CSMD1: variants seen among roughly 807,000 people sequenced by gnomAD.
The protein encoded by CSMD1 is CUB and Sushi multiple domains 1.
A neutral mutation model predicts 417.5 loss-of-function variants in CSMD1; 213 were observed. The observed-to-expected ratio is 0.51, with a 90% CI of 0.46 to 0.57. CSMD1 has a LOEUF of 0.57. CSMD1 is among the 20% of genes least tolerant of loss of function. CSMD1 has a pLI of 0.00. For missense variants in CSMD1, 6,923 were observed against 4,529.7 expected (o/e 1.53, Z -15.17); for synonymous variants, 2,862 against 1,736.8 (o/e 1.65, Z -16.11).
At position 3,106,569 on chromosome 8, in the gene CSMD1, C is replaced by G. The variant is rs1477695564; in HGVS notation, c.6908G>C (p.Ser2303Thr). Reference sequence around the variant, plus strand: ...AGAACCCTCAAACTGCAACTGGGAACTGAGCTTGCAAGTCAGAATGTCGGT... The same window carrying G: ...AGAACCCTCAAACTGCAACTGGGAAGTGAGCTTGCAAGTCAGAATGTCGGT... ...VGTDILTCKL[S>T]SQLQFEGSLP... Residue 2303 changes from serine to threonine, a missense_variant, in exon 46 of 70, where the codon AGT (serine) becomes ACT (threonine). Ser to Thr is a moderately conservative substitution (Grantham distance 58). Transcript: ENST00000635120. 1 of 1,613,888 alleles carries G rather than the reference C, an allele frequency of 6.2e-7. No homozygotes were observed. The highest frequency in any genetic ancestry group is 1.7e-5 in the Admixed American group (1 of 60,012).
chr8:2,939,247 C>T (rs1256413637), intron 69 of CSMD1, among the ~76,000 whole-genome samples: 1 of 152,240 alleles, frequency 6.6e-6, no homozygotes, highest in African/African-American at 2.4e-5. Flanking sequence ...TTCTACTACT[C>T]TGTAAAACAG....
At chr8:4,295,725 TC>T (rs1742168881) in intron 3 of CSMD1, among the ~76,000 whole-genome samples, 1 of 131,322 alleles carries the variant, frequency 7.6e-6, no homozygotes, top group Non-Finnish European at 1.6e-5. Flanking sequence ...ATTATATATA[TC>T]TGTGTGTGTG....
At chr8:4,740,987 A>T (rs1326629236) in intron 1 of CSMD1, among the ~76,000 whole-genome samples, 2 of 152,216 alleles carry the variant, frequency 1.3e-5, no homozygotes, top group East Asian at 1.9e-4. Context: ...AAAAATTAAC[A>T]GGAAGACACA....
chr8:3,447,278 A>G (rs1391089003), intron 12 of CSMD1, among the ~76,000 whole-genome samples: 6 of 152,216 alleles, frequency 3.9e-5, no homozygotes, highest in South Asian at 2.1e-4. Context: ...CACAATTTCA[A>G]TAGAATTAAA....
chr8:4,494,285 C>T (rs1409012558), intron 2 of CSMD1, among the ~76,000 whole-genome samples: 1 of 152,120 alleles, frequency 6.6e-6, no homozygotes, highest in Non-Finnish European at 1.5e-5. Flanking sequence ...CTTCTTATAA[C>T]TTTCATAGAC....
chr8:4,254,363 G>C lies in CSMD1; in HGVS notation c.415+165590C>G, dbSNP rs1042843173. Among the ~76,000 whole-genome samples, 9 of 152,294 alleles carry C rather than the reference G, an allele frequency of 5.9e-5. No homozygotes were observed. The East Asian group carries it at 7.7e-4, about 13-fold the overall frequency. On this transcript the variant is annotated intron_variant, in intron 3 of 69. Transcript: ENST00000635120. ...GAGTCTGCTTGTATAGGGAAGTACA[G>C]TAATGGGCTGCATGACGATGTCTCA...
At position 4,176,465 on chromosome 8, in the gene CSMD1, T is replaced by C. The variant is rs574086749; in HGVS notation, c.416-144366A>G. ...CCTTTCCTTTTTGATTATTTTCTCA[T>C]CCTGGCACCTTCTAACCTCCTCACT... On this transcript the variant is annotated intron_variant, in intron 3 of 69. Transcript: ENST00000635120. Among the ~76,000 whole-genome samples the C allele has an allele frequency of 5.9e-5, 9 of 152,242 alleles. No homozygotes were observed. The South Asian group carries it at 1.7e-3, about 28-fold the overall frequency.
intron 2 of CSMD1, among the ~76,000 whole-genome samples, chr8:4,443,833 G>A (rs886890194): frequency 6.6e-6 from 1 of 152,172 alleles, no homozygotes; most frequent in Non-Finnish European, 1.5e-5. Context: ...CACAGTGTTA[G>A]TAACGAACTT....
chr8:3,980,450 G>A (rs1466460210), intron 5 of CSMD1, among the ~76,000 whole-genome samples: 1 of 152,042 alleles, frequency 6.6e-6, no homozygotes, highest in Non-Finnish European at 1.5e-5. Context: ...CATCTTACAC[G>A]TTTGTGAAGA....
intron 3 of CSMD1, among the ~76,000 whole-genome samples, chr8:4,342,127 A>C (rs538499163): frequency 6.6e-6 from 1 of 152,028 alleles, no homozygotes; most frequent in East Asian, 1.9e-4. Flanking sequence ...ATCTCTAACA[A>C]GACAAGAAGC....
rs368004446 is a variant in CSMD1, at chr8:3,196,103, G to C, written c.5194+3611C>G. On this transcript the variant is annotated intron_variant, in intron 33 of 69. Transcript: ENST00000635120. ...GCCGGCCCAAATCCACCAAAACCAA[G>C]ATGGCGACTAAAGTGACCTGTGGTC... Among the ~76,000 whole-genome samples, 5 of 152,262 alleles carry C rather than the reference G, an allele frequency of 3.3e-5. No homozygotes were observed. The East Asian group carries it at 9.7e-4, about 29-fold the overall frequency.
At chr8:3,978,411 A>AT (rs201358456) in intron 5 of CSMD1, among the ~76,000 whole-genome samples, 8 of 151,936 alleles carry the variant, frequency 5.3e-5, no homozygotes, top group Admixed American at 6.6e-5. Context: ...TTCCACTCAT[A>AT]TTTTTTTTCT....
intron 3 of CSMD1, 106 bp from the exon 4 acceptor site, chr8:4,032,205 C>G (rs547254861): frequency 6.8e-6 from 5 of 731,062 alleles, no homozygotes; most frequent in South Asian, 6.7e-5. Context: ...AATGAGAAAA[C>G]CTCTAGCATC....
chr8:4,305,599 C>T (rs10095735), intron 3 of CSMD1, among the ~76,000 whole-genome samples: 91 of 152,254 alleles, frequency 6.0e-4, no homozygotes, highest in African/African-American at 2.1e-3. Context: ...ATTAACCTTT[C>T]AATACAGAAT....
chr8:4,479,217 C>A (rs1411789122), intron 2 of CSMD1, among the ~76,000 whole-genome samples: 1 of 152,068 alleles, frequency 6.6e-6, no homozygotes, highest in Non-Finnish European at 1.5e-5. Context: ...TGAGAAGATA[C>A]CCCTGGAATT....
At chr8:3,646,498 T>C (rs1235666242) in intron 7 of CSMD1, among the ~76,000 whole-genome samples, 2 of 152,080 alleles carry the variant, frequency 1.3e-5, no homozygotes, top group East Asian at 1.9e-4. Flanking sequence ...GAAATGTAAA[T>C]AAAAATCTGG....
chr8:4,993,093 C>G (rs939324250), intron 1 of CSMD1, among the ~76,000 whole-genome samples: 2 of 152,152 alleles, frequency 1.3e-5, no homozygotes, highest in Non-Finnish European at 2.9e-5. Context: ...CCCTGCCAAT[C>G]ACTCTTCCAT....
chr8:4,293,908 A>G lies in CSMD1; in HGVS notation c.415+126045T>C, dbSNP rs58763958. Among the ~76,000 whole-genome samples, 194 of 151,988 alleles carry G rather than the reference A, an allele frequency of 1.3e-3. 1 individual carries two copies. The highest frequency in any genetic ancestry group is 4.5e-3 in the African/African-American group (185 of 41,542). On this transcript the variant is annotated intron_variant, in intron 3 of 69. Transcript: ENST00000635120. ...TTAAGGTTTGATAGAGGGATGTCCTATTAGTGTCTACTGTAGAGCTTTCCA... is the reference window on the plus strand; with the variant it reads ...TTAAGGTTTGATAGAGGGATGTCCTGTTAGTGTCTACTGTAGAGCTTTCCA...
intron 2 of CSMD1, among the ~76,000 whole-genome samples, chr8:4,633,726 T>G (rs545667106): frequency 6.6e-6 from 1 of 152,080 alleles, no homozygotes; most frequent in African/African-American, 2.4e-5. Context: ...CCAGCTAATT[T>G]TTTTTGTACT....
Sources: gnomAD v4.1 joint callset for allele counts (sites outside exome capture counted in the v4.1 genomes callset) on GRCh38, gnomAD v4.1.1 for gene constraint, MANE v1.5 for transcripts, NCBI Gene and HGNC (gene_info 2026-07-23, HGNC 2026-07-21) for gene names.